Variants in SEMA6D observed in about 807,000 individuals in gnomAD.
SEMA6D encodes semaphorin-6D.
Under a neutral mutation model 106.6 loss-of-function variants are expected in SEMA6D, and 35 were observed. That is an observed-to-expected ratio of 0.33 (90% CI 0.25 to 0.44). The LOEUF is 0.44. SEMA6D is among the 20% of genes least tolerant of loss of function. The probability of loss-of-function intolerance (pLI) is 1.00; values close to 1 mark genes in which losing one functional copy is unlikely to be tolerated. For synonymous variants in SEMA6D, 499 were observed against 487.7 expected, an observed-to-expected ratio of 1.02 and a Z score of -0.31; for missense variants, 1,185 against 1,345.9, an observed-to-expected ratio of 0.88 and a Z score of 1.87.
At chr15:47,366,619 A>G (rs1816917980) in intron 1 of SEMA6D, among the ~76,000 whole-genome samples, 1 of 152,210 alleles carries the variant, frequency 6.6e-6, no homozygotes, top group Non-Finnish European at 1.5e-5. Context: ...CATAGAGGAG[A>G]TGACATTAGA....
At chr15:47,608,936 G>T (rs2076836463) in intron 4 of SEMA6D, among the ~76,000 whole-genome samples, 1 of 152,062 alleles carries the variant, frequency 6.6e-6, no homozygotes, top group African/African-American at 2.4e-5. Context: ...AATTATTACG[G>T]AACACTCTGC....
chr15:47,691,806 C>T (rs575486736), intron 4 of SEMA6D, among the ~76,000 whole-genome samples: 3 of 151,322 alleles, frequency 2.0e-5, no homozygotes, highest in East Asian at 1.9e-4. Flanking sequence ...GTTTTATAGT[C>T]CCAGCCCTCA....
intron 3 of SEMA6D, among the ~76,000 whole-genome samples, chr15:47,564,919 CAG>C (rs1365469300): frequency 6.6e-6 from 1 of 152,178 alleles, no homozygotes; most frequent in Non-Finnish European, 1.5e-5. Flanking sequence ...GACAGCTTGA[CAG>C]TGTAACTTCA....
chr15:47,674,300 T>C (rs1297756236), intron 4 of SEMA6D, among the ~76,000 whole-genome samples: 1 of 152,054 alleles, frequency 6.6e-6, no homozygotes, highest in Non-Finnish European at 1.5e-5. Context: ...GAAAGGTGAG[T>C]GTCGAGGAAG....
intron 1 of SEMA6D, among the ~76,000 whole-genome samples, chr15:47,748,248 G>C (rs180979167): frequency 6.6e-6 from 1 of 152,176 alleles, no homozygotes; most frequent in Non-Finnish European, 1.5e-5. Context: ...CTCAAGATTC[G>C]CTGTTGGGTT....
At chr15:47,600,350 C>T (rs2076623839) in intron 3 of SEMA6D, among the ~76,000 whole-genome samples, 1 of 152,028 alleles carries the variant, frequency 6.6e-6, no homozygotes, top group Admixed American at 6.6e-5. Context: ...ACGACTGAAC[C>T]TATTGGTAAT....
chr15:47,571,828 G>T (rs965348564), intron 3 of SEMA6D, among the ~76,000 whole-genome samples: 3 of 152,144 alleles, frequency 2.0e-5, no homozygotes, highest in African/African-American at 7.2e-5. Flanking sequence ...ACATGTGTGT[G>T]TCTGTGTATG....
At chr15:47,688,037 C>G (rs1000614334) in intron 4 of SEMA6D, among the ~76,000 whole-genome samples, 3 of 152,036 alleles carry the variant, frequency 2.0e-5, no homozygotes, top group African/African-American at 7.3e-5. Context: ...GAGGTCCAAA[C>G]TAACTTAATG....
At chr15:47,242,575 G>T (rs992547362) in intron 1 of SEMA6D, among the ~76,000 whole-genome samples, 1 of 152,172 alleles carries the variant, frequency 6.6e-6, no homozygotes, top group South Asian at 2.1e-4. Flanking sequence ...AAACTTGGGG[G>T]TCAGGCTTGA....
chr15:47,389,210 A>C (rs2039946932), intron 1 of SEMA6D, among the ~76,000 whole-genome samples: 1 of 152,182 alleles, frequency 6.6e-6, no homozygotes, highest in African/African-American at 2.4e-5. Flanking sequence ...ACTTTATAGA[A>C]CTGTTGTGAG....
At chr15:47,750,119 A>G (rs2081349989) in intron 1 of SEMA6D, among the ~76,000 whole-genome samples, 1 of 152,158 alleles carries the variant, frequency 6.6e-6, no homozygotes, top group South Asian at 2.1e-4. Flanking sequence ...GCTTCTTTTC[A>G]AAGAAGCCTG....
chr15:47,324,466 T>C (rs2143803229), intron 1 of SEMA6D, among the ~76,000 whole-genome samples: 1 of 152,128 alleles, frequency 6.6e-6, no homozygotes, highest in South Asian at 2.1e-4. Flanking sequence ...AATCAGATCT[T>C]AAAAACTGCG....
At chr15:47,363,580 A>G (rs565299668) in intron 1 of SEMA6D, among the ~76,000 whole-genome samples, 1 of 152,308 alleles carries the variant, frequency 6.6e-6, no homozygotes, top group East Asian at 1.9e-4. Flanking sequence ...ATACAAAGCA[A>G]GTAGAATATT....
chr15:47,545,851 C>G (rs962887095), intron 3 of SEMA6D, among the ~76,000 whole-genome samples: 2 of 152,138 alleles, frequency 1.3e-5, no homozygotes, highest in African/African-American at 4.8e-5. Context: ...GACATCATCT[C>G]TTCCTAATCC....
At chr15:47,360,599 G>A (rs903625974) in intron 1 of SEMA6D, among the ~76,000 whole-genome samples, 1 of 152,196 alleles carries the variant, frequency 6.6e-6, no homozygotes, top group African/African-American at 2.4e-5. Context: ...AAATTGATCA[G>A]GGGCTAATAG....
chr15:47,545,252 C>G (rs2045484225), intron 3 of SEMA6D, among the ~76,000 whole-genome samples: 1 of 152,062 alleles, frequency 6.6e-6, no homozygotes, highest in South Asian at 2.1e-4. Flanking sequence ...AAAAGTATAA[C>G]CAATTGAGTT....
chr15:47,766,312 G>T, intron 15 of SEMA6D, 130 bp downstream of exon 15: 1 of 780,318 alleles, frequency 1.3e-6, no homozygotes, highest in Non-Finnish European at 2.0e-6. Flanking sequence ...ACAGGAAAAC[G>T]AAAACCAGGA....
chr15:47,768,508 TA>T, intron 17 of SEMA6D, 72 bp from the exon 18 acceptor site: 1 of 1,286,846 alleles, frequency 7.8e-7, no homozygotes. Context: ...AAACTTTATT[TA>T]AAAATGCAAC....
At chr15:47,746,178 T>C (rs746816279) in intron 1 of SEMA6D, among the ~76,000 whole-genome samples, 9 of 152,240 alleles carry the variant, frequency 5.9e-5, no homozygotes, top group Non-Finnish European at 1.3e-4. Context: ...TCTCTTCCTC[T>C]GGGTCATTAG....
Sources: gnomAD v4.1 joint callset for allele counts (sites outside exome capture counted in the v4.1 genomes callset) on GRCh38, gnomAD v4.1.1 for gene constraint, MANE v1.5 for transcripts, NCBI Gene and HGNC (gene_info 2026-07-23, HGNC 2026-07-21) for gene names.